Variants in ARFIP1 observed in about 807,000 individuals in gnomAD.
ARFIP1 encodes ARF interacting protein 1.
ARFIP1 carries 24 observed loss-of-function variants against 42.5 expected under a neutral mutation model. The observed-to-expected ratio is 0.57, with a 90% confidence interval of 0.41 to 0.80. The LOEUF is 0.80. Ranked by LOEUF, ARFIP1 falls within the 30% of genes least tolerant of loss-of-function variation. The pLI, the probability that ARFIP1 is intolerant of heterozygous loss-of-function variation, is 0.00. For synonymous variants in ARFIP1, 141 were observed against 153.7 expected, an observed-to-expected ratio of 0.92 and a Z score of 0.61; for missense variants, 354 against 434.0, an observed-to-expected ratio of 0.82 and a Z score of 1.64.
intron 1 of ARFIP1, among the ~76,000 whole-genome samples, chr4:152,815,022 A>G (rs1355810675): frequency 6.6e-6 from 1 of 152,022 alleles, no homozygotes; most frequent in Non-Finnish European, 1.5e-5. Flanking sequence ...AGAAGCAGGA[A>G]CCTGTGTTCT....
intron 8 of ARFIP1, among the ~76,000 whole-genome samples, chr4:152,908,844 G>C (rs7664303): frequency 6.6e-6 from 1 of 150,950 alleles, no homozygotes. Flanking sequence ...AGAGGTGACC[G>C]AGACCAGCTC....
chr4:152,891,703 T>G (rs1210477069), intron 8 of ARFIP1, among the ~76,000 whole-genome samples: 3 of 151,984 alleles, frequency 2.0e-5, no homozygotes, highest in Non-Finnish European at 4.4e-5. Context: ...TGTTTGTTCG[T>G]TTGTTTGTTT....
rs954524205 is a variant in ARFIP1 at position 152,874,357 on chromosome 4, A to G, written c.411+1793A>G. Among the ~76,000 whole-genome samples the G allele has an allele frequency of 4.9e-4, 74 of 152,298 alleles. 1 individual carries two copies. The highest frequency in any genetic ancestry group is 4.8e-4 in the African/African-American group (20 of 41,554). On this transcript the variant is annotated intron_variant, in intron 5 of 8. Transcript: ENST00000353617. ...CTTTAAACCTTATTTTTAAATGACA[A>G]TTTTTTCCATTAGAACTTAACTTGG...
intron 1 of ARFIP1, among the ~76,000 whole-genome samples, chr4:152,814,866 A>G (rs1240157194): frequency 6.6e-6 from 1 of 152,208 alleles, no homozygotes; most frequent in African/African-American, 2.4e-5. Flanking sequence ...CCCTGTTTCC[A>G]TTCTGCAAGT....
At chr4:152,904,976 T>G (rs1028637017) in intron 8 of ARFIP1, among the ~76,000 whole-genome samples, 8 of 152,324 alleles carry the variant, frequency 5.3e-5, no homozygotes, top group African/African-American at 1.4e-4. Context: ...CACCACACTG[T>G]CTTCCACAAT....
intron 7 of ARFIP1, 27 bp from the exon 8 acceptor site, chr4:152,888,106 A>T (rs1170536660): frequency 6.4e-7 from 1 of 1,573,428 alleles, no homozygotes; most frequent in South Asian, 1.2e-5. Context: ...TTCTTGTAGT[A>T]TGCTTCACTT....
At chr4:152,795,820 A>ATTTTGTTTTTTTTTT (rs1731417383) in intron 1 of ARFIP1, among the ~76,000 whole-genome samples, 1 of 28,066 alleles carries the variant, frequency 3.6e-5, no homozygotes, top group African/African-American at 1.5e-4. Context: ...GGCCCTTGTA[A>ATTTTGTTTTTTTTTT]TTTTTTTTTT....
chr4:152,903,008 A>T (rs1000993956), intron 8 of ARFIP1, among the ~76,000 whole-genome samples: 1 of 152,210 alleles, frequency 6.6e-6, no homozygotes, highest in Non-Finnish European at 1.5e-5. Flanking sequence ...TCTTATTTTA[A>T]AAGTTGTATT....
At chr4:152,859,786 T>G (rs890708412) in intron 2 of ARFIP1, among the ~76,000 whole-genome samples, 1 of 151,326 alleles carries the variant, frequency 6.6e-6, no homozygotes, top group African/African-American at 2.4e-5. Flanking sequence ...CTACTAAAGG[T>G]GTCGTTTTAT....
At chr4:152,852,562 G>C (rs768723860) in intron 2 of ARFIP1, among the ~76,000 whole-genome samples, 4 of 152,090 alleles carry the variant, frequency 2.6e-5, no homozygotes, top group Non-Finnish European at 5.9e-5. Context: ...GAACCTGGGA[G>C]GCGGAGGTTG....
intron 1 of ARFIP1, among the ~76,000 whole-genome samples, chr4:152,808,260 G>GT (rs1425681516): frequency 2.5e-5 from 3 of 117,674 alleles, no homozygotes; most frequent in Middle Eastern, 6.3e-3. Flanking sequence ...GATTACAGGT[G>GT]TGAGCCACCA....
At chr4:152,808,609 A>G (rs941404152) in intron 1 of ARFIP1, among the ~76,000 whole-genome samples, 1 of 152,072 alleles carries the variant, frequency 6.6e-6, no homozygotes, top group African/African-American at 2.4e-5. Context: ...CCAGCAATGT[A>G]TAAGAGTCTA....
intron 1 of ARFIP1, among the ~76,000 whole-genome samples, chr4:152,804,500 AAT>A (rs1554022308): frequency 1.9e-4 from 23 of 121,482 alleles, no homozygotes; most frequent in Non-Finnish European, 1.8e-4. Context: ...ATATATATAT[AAT>A]ATATATATAT....
At chr4:152,839,145 T>G (rs1256444537) in intron 2 of ARFIP1, among the ~76,000 whole-genome samples, 2 of 152,242 alleles carry the variant, frequency 1.3e-5, no homozygotes, top group African/African-American at 2.4e-5. Context: ...TTGATCATGG[T>G]GGATTATCAT....
intron 8 of ARFIP1, among the ~76,000 whole-genome samples, chr4:152,907,551 T>C (rs756247669): frequency 3.3e-5 from 5 of 152,208 alleles, no homozygotes; most frequent in African/African-American, 7.2e-5. Flanking sequence ...ATTGTTCCTA[T>C]TGGTTTTCTT....
At chr4:152,837,148 A>G (rs1269075232) in intron 2 of ARFIP1, among the ~76,000 whole-genome samples, 1 of 152,150 alleles carries the variant, frequency 6.6e-6, no homozygotes, top group Non-Finnish European at 1.5e-5. Context: ...CATCATATAT[A>G]TACACCACAG....
chr4:152,816,677 G>A (rs776671341), intron 1 of ARFIP1, among the ~76,000 whole-genome samples: 5 of 152,162 alleles, frequency 3.3e-5, no homozygotes, highest in East Asian at 3.8e-4. Context: ...GGCTTTGTCC[G>A]TTTTGTTCTT....
chr4:152,803,985 T>A (rs1728632815), intron 1 of ARFIP1, among the ~76,000 whole-genome samples: 1 of 135,804 alleles, frequency 7.4e-6, no homozygotes, highest in South Asian at 2.2e-4. Flanking sequence ...TTATATATAT[T>A]TTATATATAT....
At chr4:152,907,250 G>A (rs969746732) in intron 8 of ARFIP1, among the ~76,000 whole-genome samples, 10 of 152,118 alleles carry the variant, frequency 6.6e-5, no homozygotes, top group Admixed American at 6.5e-4. Flanking sequence ...ATTTTAGGTG[G>A]TTTTTTCCCT....
Sources: gnomAD v4.1 joint callset for allele counts (sites outside exome capture counted in the v4.1 genomes callset) on GRCh38, gnomAD v4.1.1 for gene constraint, MANE v1.5 for transcripts, NCBI Gene and HGNC (gene_info 2026-07-23, HGNC 2026-07-21) for gene names.